TACC2: variants seen among roughly 807,000 people sequenced by gnomAD.
TACC2 encodes the protein transforming acidic coiled-coil-containing protein 2.
A neutral mutation model predicts 227.3 loss-of-function variants in TACC2; 137 were observed. The ratio of observed to expected loss-of-function variants is 0.60; its 90% CI spans 0.52 to 0.69. TACC2 has a LOEUF of 0.69. Ranked by LOEUF, TACC2 falls within the 30% of genes least tolerant of loss-of-function variation. The pLI, the probability that TACC2 is intolerant of heterozygous loss-of-function variation, is 0.00. For missense variants in TACC2, 3,470 were observed against 3,694.4 expected (o/e 0.94, Z 1.57); for synonymous variants, 1,523 against 1,487.5 (o/e 1.02, Z -0.55).
chr10:122,016,142 G>A (rs1956582031), intron 1 of TACC2, among the ~76,000 whole-genome samples: 2 of 151,068 alleles, frequency 1.3e-5, no homozygotes, highest in East Asian at 4.0e-4. Context: ...CACACCTGTA[G>A]TCCCAGCTAG....
chr10:122,117,684 G>A (rs943470461), intron 5 of TACC2, among the ~76,000 whole-genome samples: 1 of 152,126 alleles, frequency 6.6e-6, no homozygotes, highest in South Asian at 2.1e-4. Context: ...TTGTGTCCAC[G>A]CTTGGTCCTC....
chr10:122,228,677 AT>A (rs2095674604), intron 14 of TACC2, among the ~76,000 whole-genome samples: 1 of 152,086 alleles, frequency 6.6e-6, no homozygotes, highest in Non-Finnish European at 1.5e-5. Flanking sequence ...TTAGTGTGTT[AT>A]TTTTGTTGTT....
chr10:122,136,614 A>C (rs1359530470), intron 6 of TACC2, among the ~76,000 whole-genome samples: 1 of 151,438 alleles, frequency 6.6e-6, no homozygotes, highest in African/African-American at 2.4e-5. Context: ...GTGCAGTGGC[A>C]CAGTCTGGGC....
intron 5 of TACC2, among the ~76,000 whole-genome samples, chr10:122,112,811 G>C (rs1171007988): frequency 6.6e-6 from 1 of 152,048 alleles, no homozygotes; most frequent in Non-Finnish European, 1.5e-5. Flanking sequence ...TGCGTCCATC[G>C]GTCCGTGCGT....
chr10:122,051,765 C>CTTTTTTTTTTT lies in TACC2; in HGVS notation c.146+1232_146+1242dup, dbSNP rs56185263. 5.3e-4 allele frequency: 65 copies of CTTTTTTTTTTT among 122,436 alleles called. 3 individuals carry two copies. The highest frequency in any genetic ancestry group is 7.2e-4 in the Non-Finnish European group (43 of 59,862). The allele number at this position is 122,436 out of a possible 1,614,324, so 7.6% of individuals were successfully genotyped here. ...TGCAAAACCTTGAGACTCAAAGTGA[C>CTTTTTTTTTTT]TTTTTTTTTTTTTTTTTTTTTTTTT... On this transcript the variant is annotated intron_variant, in intron 3 of 22. Coordinates refer to ENST00000369005, the MANE Select transcript of TACC2 (RefSeq NM_206862.4).
At position 122,211,697 on chromosome 10, in the gene TACC2, G is replaced by A. The variant is rs762718237; in HGVS notation, c.7272G>A (p.Thr2424=). The A allele has an allele frequency of 1.7e-5, 26 of 1,551,958 alleles. No homozygotes were observed. Among genetic ancestry groups the A allele is most frequent in the East Asian group, 1.6e-4 (7 of 44,544 alleles). The change falls in exon 9 of 23, where the codon ACG becomes ACA. Residue 2424 remains threonine (T), a synonymous_variant. Coordinates refer to ENST00000369005, the MANE Select transcript of TACC2 (RefSeq NM_206862.4). ...GLNKPAKKKK[T]PLKTDTFRVK... ...ACAAGCCCGCCAAGAAGAAGAAGAC[G>A]CCCCTAAAGACGTAAGTTCAGGGGT...
chr10:122,107,254 G>C (rs1446885904), intron 5 of TACC2, among the ~76,000 whole-genome samples: 1 of 152,146 alleles, frequency 6.6e-6, no homozygotes, highest in Non-Finnish European at 1.5e-5. Flanking sequence ...TTATCTACAG[G>C]CTGGGTGCGG....
intron 9 of TACC2, among the ~76,000 whole-genome samples, chr10:122,213,054 G>T (rs1056475305): frequency 6.6e-6 from 1 of 152,180 alleles, no homozygotes; most frequent in Non-Finnish European, 1.5e-5. Context: ...AGCTAACAGG[G>T]GTCAGGGAAG....
At chr10:122,219,721 C>T (rs184268553) in intron 11 of TACC2, among the ~76,000 whole-genome samples, 49 of 152,144 alleles carry the variant, frequency 3.2e-4, no homozygotes, top group Admixed American at 1.3e-3. Flanking sequence ...TTCTAAATAT[C>T]GGAGAAAAGC....
At chr10:122,121,931 G>A (rs2085890264) in intron 5 of TACC2, among the ~76,000 whole-genome samples, 1 of 152,232 alleles carries the variant, frequency 6.6e-6, no homozygotes, top group Admixed American at 6.5e-5. Context: ...ATGCCCACTA[G>A]AGGAAAGACC....
At chr10:122,091,484 C>G (rs1025722519) in intron 5 of TACC2, among the ~76,000 whole-genome samples, 1 of 152,060 alleles carries the variant, frequency 6.6e-6, no homozygotes, top group Non-Finnish European at 1.5e-5. Flanking sequence ...GCTGCTTTTC[C>G]CTGGTCTTTG....
intron 5 of TACC2, among the ~76,000 whole-genome samples, chr10:122,115,734 T>C (rs1396733721): frequency 6.6e-6 from 1 of 151,998 alleles, no homozygotes; most frequent in Non-Finnish European, 1.5e-5. Flanking sequence ...TGTGTGTGTA[T>C]GTGCATATGT....
At chr10:122,188,083 T>G (rs897768693) in intron 7 of TACC2, among the ~76,000 whole-genome samples, 3 of 151,898 alleles carry the variant, frequency 2.0e-5, no homozygotes, top group Non-Finnish European at 4.4e-5. Flanking sequence ...TGCTCCTTTG[T>G]TAAGGTTCCC....
In TACC2 at chr10:122,221,673, A is replaced by G. The variant is rs186925204; in HGVS notation, c.7547-3053A>G. Among the ~76,000 whole-genome samples the G allele has an allele frequency of 7.2e-3, 1,094 of 152,346 alleles. 19 individuals are homozygous for G. The highest frequency in any genetic ancestry group is 0.025 in the African/African-American group (1,036 of 41,580). ...TAATGTCACTTAGGTTAAAAGTTCCAGAAATACTAGCCATGAGCAGGAATA... is the reference window on the plus strand; with the variant it reads ...TAATGTCACTTAGGTTAAAAGTTCCGGAAATACTAGCCATGAGCAGGAATA... On this transcript the variant is annotated intron_variant, in intron 11 of 22. Transcript: ENST00000369005.
chr10:122,002,388 ATTTTTGCATCACTCATG>A (rs142707266), intron 1 of TACC2, among the ~76,000 whole-genome samples: 7,926 of 151,830 alleles, frequency 0.052, 313 homozygotes, highest in East Asian at 0.13. Flanking sequence ...GTTTTTCAAT[ATTTTTGCATCACTCATG>A]TTCATGAGTG....
chr10:122,244,623 A>G (rs544764039), intron 19 of TACC2, among the ~76,000 whole-genome samples: 1 of 152,240 alleles, frequency 6.6e-6, no homozygotes. Flanking sequence ...TAACATGCCC[A>G]GGAGGCCCAC....
Position 122,214,382 on chromosome 10 carries a change from G to C in TACC2, c.7284-1009G>C, listed in dbSNP as rs555309672. Among the ~76,000 whole-genome samples the C allele has an allele frequency of 7.5e-3, 1,146 of 152,200 alleles. 7 individuals are homozygous for C. The highest frequency in any genetic ancestry group is 0.013 in the Non-Finnish European group (876 of 68,010). Reference sequence around the variant, plus strand: ...CATGATTAAATGCCATTGTTGGAGTGATTTGAGAGAACACAAGGAAGGAAC... The same window carrying C: ...CATGATTAAATGCCATTGTTGGAGTCATTTGAGAGAACACAAGGAAGGAAC... On this transcript the variant is annotated intron_variant, in intron 9 of 22. Coordinates refer to ENST00000369005, the MANE Select transcript of TACC2 (RefSeq NM_206862.4).
At chr10:122,088,172 A>G (rs1394114489) in intron 4 of TACC2, among the ~76,000 whole-genome samples, 1 of 152,156 alleles carries the variant, frequency 6.6e-6, no homozygotes, top group East Asian at 1.9e-4. Context: ...GCTGTTGACT[A>G]TGTTCTTTTT....
At chr10:122,140,770 G>A (rs963583086) in intron 6 of TACC2, among the ~76,000 whole-genome samples, 8 of 152,252 alleles carry the variant, frequency 5.3e-5, no homozygotes, top group Admixed American at 5.2e-4. Context: ...TGTTGGTGAG[G>A]AGCTGGCTGC....
Sources: gnomAD v4.1 joint callset for allele counts (sites outside exome capture counted in the v4.1 genomes callset) on GRCh38, gnomAD v4.1.1 for gene constraint, MANE v1.5 for transcripts, NCBI Gene and HGNC (gene_info 2026-07-23, HGNC 2026-07-21) for gene names.